Variants in TIAM1 observed in about 807,000 individuals in gnomAD.
The protein encoded by TIAM1 is rho guanine nucleotide exchange factor TIAM1.
In TIAM1, 65 loss-of-function variants were observed where a neutral mutation model predicts 163.5. The observed-to-expected ratio is 0.40, with a 90% CI of 0.33 to 0.49. The LOEUF (loss-of-function observed/expected upper bound fraction) is 0.49, where lower values mean the gene tolerates loss of function less well. TIAM1 is among the 20% of genes least tolerant of loss of function. TIAM1 has a pLI of 0.77. For synonymous variants in TIAM1, 833 were observed against 810.1 expected, an observed-to-expected ratio of 1.03 and a Z score of -0.48; for missense variants, 1,789 against 2,044.7, an observed-to-expected ratio of 0.87 and a Z score of 2.41.
chr21:31,286,182 C>T (rs1279683910), intron 2 of TIAM1, among the ~76,000 whole-genome samples: 1 of 152,120 alleles, frequency 6.6e-6, no homozygotes, highest in African/African-American at 2.4e-5. Context: ...GTAGCATAAC[C>T]TAACAGAAGG....
chr21:31,177,208 G>A (rs1412852173), intron 15 of TIAM1, among the ~76,000 whole-genome samples: 1 of 152,176 alleles, frequency 6.6e-6, no homozygotes, highest in Non-Finnish European at 1.5e-5. Context: ...ACAGCCCAAT[G>A]AGATGACAGT....
At chr21:31,295,302 C>G (rs977418736) in intron 2 of TIAM1, among the ~76,000 whole-genome samples, 1 of 151,960 alleles carries the variant, frequency 6.6e-6, no homozygotes, top group African/African-American at 2.4e-5. Context: ...AACCCCGTCT[C>G]TACTAAAAAT....
chr21:31,511,564 T>TA (rs2047211196), intron 1 of TIAM1, among the ~76,000 whole-genome samples: 1 of 152,196 alleles, frequency 6.6e-6, no homozygotes, highest in South Asian at 2.1e-4. Flanking sequence ...AGGCAATACT[T>TA]ACGCAGCAAT....
intron 2 of TIAM1, among the ~76,000 whole-genome samples, chr21:31,406,662 G>A (rs2077252541): frequency 6.6e-6 from 1 of 152,156 alleles, no homozygotes; most frequent in Non-Finnish European, 1.5e-5. Context: ...TTCAGACAGA[G>A]AAAAGTCAGA....
At chr21:31,180,446 G>A (rs565460479) in intron 15 of TIAM1, among the ~76,000 whole-genome samples, 1 of 152,112 alleles carries the variant, frequency 6.6e-6, no homozygotes, top group African/African-American at 2.4e-5. Flanking sequence ...TGGCATGACT[G>A]TGTTCCAATA....
chr21:31,364,557 G>C (rs1386818780), intron 2 of TIAM1, among the ~76,000 whole-genome samples: 1 of 152,222 alleles, frequency 6.6e-6, no homozygotes, highest in Non-Finnish European at 1.5e-5. Context: ...ATCAGCCACA[G>C]ATGGAGAGGA....
At position 31,148,133 on chromosome 21, in the gene TIAM1, C is replaced by T. The variant is rs539729670; in HGVS notation, c.3367-1130G>A. Among the ~76,000 whole-genome samples, 12 of 152,096 alleles carry T rather than the reference C, an allele frequency of 7.9e-5. No homozygotes were observed. In the East Asian group the frequency reaches 2.3e-3, roughly 29 times the overall value. On this transcript the variant is annotated intron_variant, in intron 19 of 27. Coordinates refer to ENST00000541036, the MANE Select transcript of TIAM1 (RefSeq NM_001353694.2). Reference sequence around the variant, plus strand: ...TTCCAAGCCCTCCGCAAATCTCCACCCTGGCTTGGAGGGTGTCAGCAGGAG... The same window carrying T: ...TTCCAAGCCCTCCGCAAATCTCCACTCTGGCTTGGAGGGTGTCAGCAGGAG...
In TIAM1 at chr21:31,374,510, C is replaced by A. The variant is rs143383154; in HGVS notation, c.-368-35088G>T. The stretch of plus-strand genomic sequence containing the variant: ...AATCCAGCACTCAGGACTAAAGGAT[C>A]GGATATCCTCCCTCCCTGACTCCTC... On this transcript the variant is annotated intron_variant, in intron 2 of 28. Transcript: ENST00000286827. Among the ~76,000 whole-genome samples the A allele has an allele frequency of 2.0e-5, 3 of 152,272 alleles. No homozygotes were observed. The East Asian group carries it at 5.8e-4, about 29-fold the overall frequency.
chr21:31,533,293 C>G (rs1164826719), intron 1 of TIAM1, among the ~76,000 whole-genome samples: 1 of 152,166 alleles, frequency 6.6e-6, no homozygotes, highest in East Asian at 1.9e-4. Context: ...TGCACTCCAG[C>G]TTAGGCAACA....
intron 22 of TIAM1, among the ~76,000 whole-genome samples, chr21:31,136,247 T>C (rs2082616660): frequency 6.6e-6 from 1 of 152,262 alleles, no homozygotes; most frequent in Non-Finnish European, 1.5e-5. Context: ...AACATCATGT[T>C]GTACACCATA....
chr21:31,262,607 A>G (rs1467147038), intron 4 of TIAM1, among the ~76,000 whole-genome samples: 2 of 152,230 alleles, frequency 1.3e-5, no homozygotes, highest in African/African-American at 4.8e-5. Context: ...ACCATTCAAG[A>G]CTTAAATGTG....
At chr21:31,202,170 G>T (rs1465433059) in intron 12 of TIAM1, among the ~76,000 whole-genome samples, 1 of 152,036 alleles carries the variant, frequency 6.6e-6, no homozygotes, top group African/African-American at 2.4e-5. Flanking sequence ...TGATCCAGCA[G>T]TTTCAACATG....
intron 14 of TIAM1, among the ~76,000 whole-genome samples, chr21:31,183,326 C>T (rs2085125572): frequency 1.3e-5 from 2 of 152,060 alleles, no homozygotes. Context: ...ATGAACAAGC[C>T]CAACCTAGAA....
At chr21:31,328,674 T>C (rs1357188820) in intron 2 of TIAM1, among the ~76,000 whole-genome samples, 1 of 152,110 alleles carries the variant, frequency 6.6e-6, no homozygotes. Flanking sequence ...AAGGCCCGCA[T>C]GCATTAGGTA....
Position 31,210,055 on chromosome 21 carries a change from A to C in TIAM1, c.2378T>G (p.Leu793Arg). The change falls in exon 11 of 28, where the codon CTG (leucine) becomes CGG (arginine). Residue 793 changes from leucine (L) to arginine (R), a missense_variant. Leu to Arg is a moderately radical substitution (Grantham distance 102). Coordinates refer to ENST00000541036, the MANE Select transcript of TIAM1 (RefSeq NM_001353694.2). Reference sequence around the variant, plus strand: ...AAAGCAGCTCCATACCTTGCAAATCAGCTCCAGGGTGTCCCGTGCAGTGTC... The same window carrying C: ...AAAGCAGCTCCATACCTTGCAAATCCGCTCCAGGGTGTCCCGTGCAGTGTC... ...PGDTARDTLE[L>R]ICKTHQLDHS... is the part of the protein sequence containing the mutation. 1 of 1,613,458 alleles carries C rather than the reference A, an allele frequency of 6.2e-7. No homozygotes were observed.
chr21:31,194,112 G>A (rs904038183), intron 13 of TIAM1, among the ~76,000 whole-genome samples: 2 of 150,570 alleles, frequency 1.3e-5, no homozygotes, highest in African/African-American at 4.9e-5. Context: ...CTCTGCAGGA[G>A]AGAGAGCTAT....
At chr21:31,257,995 C>A (rs931747303) in intron 4 of TIAM1, among the ~76,000 whole-genome samples, 11 of 151,658 alleles carry the variant, frequency 7.3e-5, no homozygotes, top group Admixed American at 2.6e-4. Flanking sequence ...TCCCTCCTCC[C>A]CTCCTCTCCT....
At chr21:31,126,350 C>T (rs920463047) in intron 26 of TIAM1, among the ~76,000 whole-genome samples, 3 of 151,996 alleles carry the variant, frequency 2.0e-5, no homozygotes, top group Non-Finnish European at 2.9e-5. Flanking sequence ...AGGCAGACCA[C>T]GATGTCAGGA....
At chr21:31,509,852 T>C (rs369308781) in intron 1 of TIAM1, among the ~76,000 whole-genome samples, 3 of 152,144 alleles carry the variant, frequency 2.0e-5, no homozygotes, top group East Asian at 3.9e-4. Flanking sequence ...CCGCAGAACT[T>C]CAGGGATGAG....
Sources: allele counts gnomAD v4.1 joint callset (sites outside exome capture counted in the v4.1 genomes callset), GRCh38; gene constraint gnomAD v4.1.1; transcripts MANE v1.5; gene names NCBI Gene and HGNC (gene_info 2026-07-23, HGNC 2026-07-21).